SMTN: variants seen among roughly 807,000 people sequenced by gnomAD.
SMTN encodes smoothelin.
A neutral mutation model predicts 102.0 loss-of-function variants in SMTN; 58 were observed. The observed-to-expected ratio is 0.57, with a 90% CI of 0.46 to 0.71. The LOEUF (loss-of-function observed/expected upper bound fraction) is 0.71. SMTN is among the 30% of genes least tolerant of loss of function. SMTN has a pLI of 0.00. For synonymous variants in SMTN, 478 were observed against 497.9 expected (o/e 0.96, Z 0.53); for missense variants, 1,185 against 1,241.7 (o/e 0.95, Z 0.69).
intron 11 of SMTN, chr22:31,093,795 T>C: frequency 6.3e-7 from 1 of 1,594,302 alleles, no homozygotes; most frequent in South Asian, 1.1e-5. Flanking sequence ...CTGCCGAGGA[T>C]GCCGGGACCC....
rs763576555 is a variant in SMTN, at chr22:31,091,009, C to G, written c.986C>G (p.Ser329Cys). 7.4e-6 allele frequency: 12 copies of G among 1,613,852 alleles called. No individual in the cohort carries two copies. Among genetic ancestry groups the G allele is most frequent in the Non-Finnish European group, 1.0e-5 (12 of 1,179,948 alleles). Residue 329 changes from serine to cysteine, a missense_variant, in exon 10 of 21, where the codon TCT (serine) becomes TGT (cysteine). By Grantham distance (112) the Ser-to-Cys change is moderately radical. Coordinates refer to ENST00000333137, the MANE Select transcript of SMTN (RefSeq NM_134269.3). ...SGPSSFQRAGSVRDRVHKFTS... is the reference protein window; with the variant it reads ...SGPSSFQRAGCVRDRVHKFTS... ...CCTTCCTCATTCCAGCGGGCTGGCT[C>G]TGTGCGGGATCGTGTCCACAAGTTC...
intron 2 of SMTN, chr22:31,085,127 C>T: frequency 6.5e-7 from 1 of 1,535,450 alleles, no homozygotes; most frequent in Non-Finnish European, 8.7e-7. Flanking sequence ...CTCCACCACC[C>T]GCCGGGACGC....
At chr22:31,093,925 C>A in intron 11 of SMTN, 1 of 1,289,168 alleles carries the variant, frequency 7.8e-7, no homozygotes, top group Non-Finnish European at 1.1e-6. Context: ...CCAGGCTCTG[C>A]CTCCTCTTGA....
chr22:31,093,776 T>C, intron 11 of SMTN: 1 of 1,594,616 alleles, frequency 6.3e-7, no homozygotes. Flanking sequence ...CCCGAGGCCC[T>C]CTTTCAGGCT....
chr22:31,101,115 G>T (rs1469784862), intron 20 of SMTN, 66 bp downstream of exon 20: 15 of 1,452,958 alleles, frequency 1.0e-5, no homozygotes, highest in Non-Finnish European at 1.2e-5. Context: ...GCCAGAGAGG[G>T]TCCAGGGAGG....
Position 31,089,696 on chromosome 22 carries a change from C to T in SMTN, c.472-3C>T, listed in dbSNP as rs2042971174. On this transcript the variant is annotated splice_region_variant and splice_polypyrimidine_tract_variant and intron_variant, in intron 6 of 20. Transcript: ENST00000333137. ...TTGGTTGCATCCTGTGGGTCCCTTA[C>T]AGGTGCCAGAGCGAGAGGAACAGGA... 1.3e-6 allele frequency: 2 copies of T among 1,593,508 alleles called. No homozygotes were observed. Among genetic ancestry groups the T allele is most frequent in the Non-Finnish European group, 1.7e-6 (2 of 1,174,460 alleles).
At chr22:31,084,880 C>T (rs2042558973) in intron 2 of SMTN, 2 of 1,108,144 alleles carry the variant, frequency 1.8e-6, no homozygotes, top group African/African-American at 1.7e-5. Flanking sequence ...CCCCGCGCGC[C>T]GGCCCGGCCC....
intron 1 of SMTN, among the ~76,000 whole-genome samples, chr22:31,073,406 A>G (rs1358610395): frequency 1.3e-5 from 2 of 152,182 alleles, no homozygotes; most frequent in African/African-American, 4.8e-5. Flanking sequence ...GAGTCACGTG[A>G]CTACATAAAG....
chr22:31,100,433 C>G (rs2043981056), intron 19 of SMTN, among the ~76,000 whole-genome samples: 1 of 152,128 alleles, frequency 6.6e-6, no homozygotes, highest in Non-Finnish European at 1.5e-5. Context: ...TTCCCCTTCT[C>G]TTTCTGGTTT....
intron 20 of SMTN, 87 bp from the exon 21 acceptor site, chr22:31,104,229 G>T (rs551229647): frequency 1.2e-5 from 18 of 1,466,318 alleles, no homozygotes; most frequent in East Asian, 2.3e-5. Flanking sequence ...AGCAGGCAAT[G>T]CGGCAATAAA....
chr22:31,101,042 G>A lies in SMTN; in HGVS notation c.*13G>A. ...CAAAAAGTCCTAACCCCTGCTCGGG[G>A]CCCCACGGTGAGAAACGCCGCCTCT... On this transcript the variant is annotated 3_prime_UTR_variant, in exon 20 of 21. Transcript: ENST00000333137. The A allele has an allele frequency of 6.3e-7, 1 of 1,597,512 alleles. No homozygotes were observed. The highest frequency in any genetic ancestry group is 8.6e-7 in the Non-Finnish European group (1 of 1,169,398).
intron 3 of SMTN, 74 bp downstream of exon 3, chr22:31,088,187 G>C: frequency 6.8e-7 from 1 of 1,474,262 alleles, no homozygotes. Context: ...TGTGCAGGCA[G>C]GCGTGAGCAC....
Position 31,088,945 on chromosome 22 carries a change from G to A in SMTN, c.447G>A (p.Ala149=), listed in dbSNP as rs764051333. 9.3e-6 allele frequency: 15 copies of A among 1,613,756 alleles called. No individual in the cohort carries two copies. The highest frequency in any genetic ancestry group is 3.3e-5 in the Admixed American group (2 of 60,018). ...CAAGAGAGGACAGCAAGGGGCTAGC[G>A]GCACACAGGCTGGAACAGTGTGAGG... ...SGSREDSKGL[A]AHRLEQCEVP... Residue 149 remains alanine, a synonymous_variant, in exon 6 of 21, where the codon GCG becomes GCA. Transcript: ENST00000333137.
intron 2 of SMTN, among the ~76,000 whole-genome samples, chr22:31,084,223 TG>T (rs761411630): frequency 1.6e-4 from 25 of 152,314 alleles, no homozygotes; most frequent in Non-Finnish European, 2.4e-4. Context: ...CAGCCTGACC[TG>T]GAGGAGGGGC....
intron 1 of SMTN, among the ~76,000 whole-genome samples, chr22:31,068,849 A>G (rs541059001): frequency 1.3e-5 from 2 of 152,294 alleles, no homozygotes; most frequent in East Asian, 3.9e-4. Flanking sequence ...GGGGAGCTTC[A>G]GATACGTGCT....
intron 2 of SMTN, among the ~76,000 whole-genome samples, chr22:31,083,901 TAAGA>T (rs935592493): frequency 6.6e-6 from 1 of 152,198 alleles, no homozygotes; most frequent in Non-Finnish European, 1.5e-5. Flanking sequence ...GACGAGGCCA[TAAGA>T]GAGAGACAGG....
upstream of SMTN, among the ~76,000 whole-genome samples, chr22:31,079,544 C>A (rs2042213206): frequency 6.6e-6 from 1 of 152,232 alleles, no homozygotes; most frequent in Non-Finnish European, 1.5e-5. Flanking sequence ...CAGAGGTGGC[C>A]TAGGTGTGCC....
intron 19 of SMTN, among the ~76,000 whole-genome samples, 200 bp from the exon 20 acceptor site, chr22:31,100,685 G>A (rs1311779291): frequency 1.3e-5 from 2 of 152,176 alleles, no homozygotes; most frequent in Non-Finnish European, 2.9e-5. Flanking sequence ...CGTCCACAGT[G>A]GGGAGGAGGC....
At position 31,087,999 on chromosome 22, in the gene SMTN, G is replaced by T. The variant is rs145193216; in HGVS notation, c.86G>T (p.Arg29Leu). The T allele has an allele frequency of 3.7e-6, 6 of 1,607,202 alleles. No homozygotes were observed. The African/African-American group carries it at 5.3e-5, about 14-fold the overall frequency. ...EVTADLAERR[R>L]IRSAIRELQR... ...ACAGCAGATCTGGCAGAGCGGCGGC[G>T]CATCCGCTCAGCCATCCGGGAACTG... is the stretch of plus-strand genomic sequence containing the variant. The change falls in exon 3 of 21, where the codon CGC becomes CTC. Residue 29 changes from arginine (R) to leucine (L), a missense_variant. Coordinates refer to ENST00000333137, the MANE Select transcript of SMTN (RefSeq NM_134269.3).
Sources: gnomAD v4.1 joint callset for allele counts (sites outside exome capture counted in the v4.1 genomes callset) on GRCh38, gnomAD v4.1.1 for gene constraint, MANE v1.5 for transcripts, NCBI Gene and HGNC (gene_info 2026-07-23, HGNC 2026-07-21) for gene names.